Variants in KCNIP4 observed in about 807,000 individuals in gnomAD.
The protein encoded by KCNIP4 is potassium voltage-gated channel interacting protein 4, also known as Kv channel-interacting protein 4.
In KCNIP4, 12 loss-of-function variants were observed where a neutral mutation model predicts 34.0. The ratio of observed to expected loss-of-function variants is 0.35; its 90% CI spans 0.23 to 0.57. KCNIP4 has a LOEUF of 0.57. KCNIP4 is among the 20% of genes least tolerant of loss of function. KCNIP4 has a pLI of 0.83. For synonymous variants in KCNIP4, 124 were observed against 102.2 expected, an observed-to-expected ratio of 1.21 and a Z score of -1.29; for missense variants, 238 against 311.7, an observed-to-expected ratio of 0.76 and a Z score of 1.78.
intron 1 of KCNIP4, among the ~76,000 whole-genome samples, chr4:21,784,646 T>C (rs1204687785): frequency 6.6e-6 from 1 of 152,182 alleles, no homozygotes; most frequent in Non-Finnish European, 1.5e-5. Context: ...GGTGTTATCA[T>C]GAAGCCAAAC....
At chr4:21,502,521 C>A (rs1448859247) in intron 1 of KCNIP4, among the ~76,000 whole-genome samples, 14 of 151,770 alleles carry the variant, frequency 9.2e-5, no homozygotes, top group Non-Finnish European at 1.5e-5. Flanking sequence ...ATTATATTTT[C>A]AAAATTTATT....
At chr4:21,350,435 C>A (rs945659186) in intron 1 of KCNIP4, among the ~76,000 whole-genome samples, 1 of 152,274 alleles carries the variant, frequency 6.6e-6, no homozygotes, top group Middle Eastern at 3.4e-3. Flanking sequence ...TGGCCAGCCA[C>A]CCAAACGCCC....
chr4:21,083,557 C>T (rs1345977556), intron 1 of KCNIP4, among the ~76,000 whole-genome samples: 1 of 151,566 alleles, frequency 6.6e-6, no homozygotes, highest in East Asian at 1.9e-4. Context: ...GGCAGATACA[C>T]ACAAGAGAAG....
intron 1 of KCNIP4, among the ~76,000 whole-genome samples, chr4:21,065,127 A>G (rs1321298351): frequency 6.6e-6 from 1 of 152,136 alleles, no homozygotes; most frequent in African/African-American, 2.4e-5. Flanking sequence ...ACGTAGTCAC[A>G]CCTTTCTTCC....
At chr4:21,593,107 G>GTA (rs1742345989) in intron 1 of KCNIP4, among the ~76,000 whole-genome samples, 1 of 97,974 alleles carries the variant, frequency 1.0e-5, no homozygotes, top group African/African-American at 4.4e-5. Flanking sequence ...TAAATAATGT[G>GTA]TGTGTGTGTG....
At chr4:21,760,462 G>A (rs1001955156) in intron 1 of KCNIP4, among the ~76,000 whole-genome samples, 1 of 152,038 alleles carries the variant, frequency 6.6e-6, no homozygotes, top group African/African-American at 2.4e-5. Flanking sequence ...TTTTATTAAA[G>A]TAAAATTCTA....
intron 1 of KCNIP4, among the ~76,000 whole-genome samples, chr4:21,247,998 CACACA>C (rs1760417101): frequency 9.1e-6 from 1 of 109,592 alleles, no homozygotes; most frequent in South Asian, 3.1e-4. Flanking sequence ...CACACACACA[CACACA>C]CCCCCCACAG....
intron 1 of KCNIP4, among the ~76,000 whole-genome samples, chr4:21,744,280 A>AG (rs1716620731): frequency 1.3e-5 from 2 of 152,154 alleles, no homozygotes; most frequent in Non-Finnish European, 2.9e-5. Context: ...AACTTAGCAA[A>AG]GTCACCCTCT....
intron 1 of KCNIP4, among the ~76,000 whole-genome samples, chr4:21,257,993 T>G (rs1761190369): frequency 6.6e-6 from 1 of 152,170 alleles, no homozygotes; most frequent in Non-Finnish European, 1.5e-5. Flanking sequence ...CATTTGAACT[T>G]TCTTAGCTGC....
chr4:21,250,695 A>G (rs1198026189), intron 1 of KCNIP4, among the ~76,000 whole-genome samples: 1 of 152,038 alleles, frequency 6.6e-6, no homozygotes, highest in Admixed American at 6.6e-5. Flanking sequence ...GATTTAACAG[A>G]GCTGTGATTT....
chr4:21,213,440 T>C (rs1757362168), intron 1 of KCNIP4, among the ~76,000 whole-genome samples: 3 of 152,100 alleles, frequency 2.0e-5, no homozygotes, highest in Admixed American at 2.0e-4. Context: ...TAGCTGGGAT[T>C]ACAGACGCAC....
intron 1 of KCNIP4, among the ~76,000 whole-genome samples, chr4:21,727,351 A>G (rs765883912): frequency 6.6e-6 from 1 of 152,170 alleles, no homozygotes; most frequent in Non-Finnish European, 1.5e-5. Flanking sequence ...ATGTGAGGAC[A>G]CAGCAAGAAA....
chr4:21,767,308 T>C (rs73119545), intron 1 of KCNIP4, among the ~76,000 whole-genome samples: 22,494 of 151,896 alleles, frequency 0.15, 5,606 homozygotes, highest in African/African-American at 0.51. Flanking sequence ...GATGGGAATC[T>C]ATGTGGGGGT....
intron 1 of KCNIP4, among the ~76,000 whole-genome samples, chr4:21,938,334 T>C (rs1729988580): frequency 6.6e-6 from 1 of 152,176 alleles, no homozygotes; most frequent in African/African-American, 2.4e-5. Context: ...AGGGCTTCTT[T>C]TCCATGGGAT....
At chr4:21,007,927 A>G (rs893946783) in intron 1 of KCNIP4, among the ~76,000 whole-genome samples, 1 of 152,208 alleles carries the variant, frequency 6.6e-6, no homozygotes, top group African/African-American at 2.4e-5. Context: ...TTTGCCAGAG[A>G]ACAGTTAGTT....
In KCNIP4 at chr4:21,137,561, C is replaced by G. The variant is rs1187849023; in HGVS notation, c.62-254852G>C. Among the ~76,000 whole-genome samples, 20 of 152,168 alleles carry G rather than the reference C, an allele frequency of 1.3e-4. No homozygotes were observed. In the East Asian group the frequency reaches 3.5e-3, roughly 26 times the overall value. On this transcript the variant is annotated intron_variant, in intron 1 of 8. Coordinates refer to ENST00000382152, the MANE Select transcript of KCNIP4 (RefSeq NM_025221.6). The stretch of plus-strand genomic sequence containing the variant: ...CTCTTTTAGCATCTTATCATCTAGT[C>G]AAAATGCCTTTAGAGTGATGTCTTA...
Position 21,613,449 on chromosome 4 carries a change from C to G in KCNIP4, c.61+335122G>C, listed in dbSNP as rs572647022. On this transcript the variant is annotated intron_variant, in intron 1 of 8. Transcript: ENST00000382152. The stretch of plus-strand genomic sequence containing the variant: ...CCAACTGGCCATATAAATGAACTAC[C>G]TTGATCATGAATGCAGACTCTCTAA... The G allele has an allele frequency of 9.2e-5, 14 of 152,308 alleles. No individual in the cohort carries two copies. In the South Asian group the frequency reaches 2.7e-3, roughly 29 times the overall value. 9.4% of individuals were successfully genotyped at this position (152,308 alleles called of 1,614,324 possible). A position where few individuals can be genotyped will look rare whatever the true frequency, so the allele number is the denominator to read the frequency against.
At chr4:21,063,749 A>G (rs1310045837) in intron 1 of KCNIP4, among the ~76,000 whole-genome samples, 1 of 152,220 alleles carries the variant, frequency 6.6e-6, no homozygotes, top group Non-Finnish European at 1.5e-5. Flanking sequence ...TTTTATCAAA[A>G]AATGATGTAG....
intron 1 of KCNIP4, among the ~76,000 whole-genome samples, chr4:21,778,836 C>A (rs949673042): frequency 1.3e-5 from 2 of 152,144 alleles, no homozygotes; most frequent in African/African-American, 4.8e-5. Context: ...TGTCTCCAGG[C>A]TACCTATGTG....
Sources: gnomAD v4.1 joint callset for allele counts (sites outside exome capture counted in the v4.1 genomes callset) on GRCh38, gnomAD v4.1.1 for gene constraint, MANE v1.5 for transcripts, NCBI Gene and HGNC (gene_info 2026-07-23, HGNC 2026-07-21) for gene names.